PLEKHA6: variants seen among roughly 807,000 people sequenced by gnomAD.
PLEKHA6 encodes the protein pleckstrin homology domain-containing family A member 6.
A neutral mutation model predicts 116.7 loss-of-function variants in PLEKHA6; 60 were observed. That is an observed-to-expected ratio of 0.51 (90% CI 0.42 to 0.64). The LOEUF (loss-of-function observed/expected upper bound fraction) is 0.64. Ranked by LOEUF, PLEKHA6 falls within the 30% of genes least tolerant of loss-of-function variation. The pLI is 0.00. For missense variants in PLEKHA6, 1,338 were observed against 1,422.7 expected (o/e 0.94, Z 0.96); for synonymous variants, 489 against 556.1 (o/e 0.88, Z 1.70).
intron 15 of PLEKHA6, 53 bp downstream of exon 15, chr1:204,244,811 G>A (rs1364231453): frequency 5.7e-6 from 8 of 1,391,706 alleles, no homozygotes; most frequent in African/African-American, 1.5e-5. Flanking sequence ...TCAGACAAAC[G>A]AGGATCTGGT....
chr1:204,371,381 C>G (rs918399350), intron 2 of PLEKHA6: 8 of 152,262 alleles, frequency 5.3e-5, no homozygotes, highest in African/African-American at 1.9e-4. Context: ...CAATCTCCCC[C>G]AGATGGCAGG....
intron 12 of PLEKHA6, among the ~76,000 whole-genome samples, chr1:204,248,059 G>A (rs72749775): frequency 0.089 from 13,533 of 152,028 alleles, 698 homozygotes; most frequent in Middle Eastern, 0.14. Flanking sequence ...ACACTTTCAC[G>A]GGGCTTTTTC....
At chr1:204,237,792 G>A (rs1270393460) in intron 17 of PLEKHA6, among the ~76,000 whole-genome samples, 1 of 152,192 alleles carries the variant, frequency 6.6e-6, no homozygotes, top group Admixed American at 6.5e-5. Context: ...GAAAGACCTT[G>A]ATCACTTTTT....
In PLEKHA6 at chr1:204,255,373, G is replaced by A. The variant is rs111532277; in HGVS notation, c.1524+1980C>T. On this transcript the variant is annotated intron_variant, in intron 9 of 22. Coordinates refer to ENST00000272203, the MANE Select transcript of PLEKHA6 (RefSeq NM_014935.5). ...GCAGTTCCATCTGAGCTGAGCACTGGAGAAATAAGAGGTGGCATTAATTAT... is the reference window on the plus strand; with the variant it reads ...GCAGTTCCATCTGAGCTGAGCACTGAAGAAATAAGAGGTGGCATTAATTAT... Among the ~76,000 whole-genome samples the A allele has an allele frequency of 8.0e-3, 1,216 of 152,268 alleles. 7 individuals carry two copies. The highest frequency in any genetic ancestry group is 0.013 in the Non-Finnish European group (914 of 68,022).
intron 9 of PLEKHA6, among the ~76,000 whole-genome samples, chr1:204,255,306 CT>C (rs1398963542): frequency 6.6e-6 from 1 of 152,170 alleles, no homozygotes; most frequent in African/African-American, 2.4e-5. Flanking sequence ...CGACTCCCTC[CT>C]CTCGCCAGAA....
intron 1 of PLEKHA6, among the ~76,000 whole-genome samples, chr1:204,315,453 G>C (rs1336915560): frequency 1.3e-5 from 2 of 152,160 alleles, no homozygotes; most frequent in African/African-American, 4.8e-5. Context: ...TCCTGCTCTG[G>C]CAGCGTCATT....
chr1:204,354,956 C>G (rs1673376098), intron 1 of PLEKHA6, among the ~76,000 whole-genome samples: 1 of 152,232 alleles, frequency 6.6e-6, no homozygotes, highest in Non-Finnish European at 1.5e-5. Flanking sequence ...AAGCCCCCAG[C>G]AAGTGTGCCA....
Position 204,257,292 on chromosome 1 carries a change from A to G in PLEKHA6, c.1524+61T>C, listed in dbSNP as rs1665438138. ...CCACATCTCTGCCTTTTCTCAGTAG[A>G]TGGTCTTAGGCTTCTGGGGACCTCA... On this transcript the variant is annotated intron_variant, in intron 9 of 22. Transcript: ENST00000272203. The surrounding 1 kb of genome is among the most constrained non-coding windows in gnomAD (Gnocchi z 6.5). The G allele has an allele frequency of 6.8e-7, 1 of 1,467,270 alleles. No homozygotes were observed. Among genetic ancestry groups the G allele is most frequent in the South Asian group, 1.2e-5 (1 of 81,530 alleles). The allele number at this position is 1,467,270 out of a possible 1,614,324, so 90.9% of individuals were successfully genotyped here. A position where few individuals can be genotyped will look rare whatever the true frequency, so the allele number is the denominator to read the frequency against.
chr1:204,256,276 G>A (rs770189811), intron 9 of PLEKHA6, among the ~76,000 whole-genome samples: 2 of 152,098 alleles, frequency 1.3e-5, no homozygotes, highest in Non-Finnish European at 2.9e-5. Context: ...TCTAGGTGGT[G>A]GCAAAAGTTC....
intron 1 of PLEKHA6, among the ~76,000 whole-genome samples, chr1:204,285,331 A>G (rs1313455873): frequency 6.6e-6 from 1 of 152,268 alleles, no homozygotes; most frequent in Non-Finnish European, 1.5e-5. Context: ...AAAGAAAGGA[A>G]AATCTGCTGT....
At chr1:204,325,878 A>G (rs2103247207) in intron 1 of PLEKHA6, 5 of 982,326 alleles carry the variant, frequency 5.1e-6, no homozygotes, top group East Asian at 1.1e-4. Flanking sequence ...CATGGGGAGA[A>G]GTAGTAGCTG....
chr1:204,228,310 G>T lies in PLEKHA6; in HGVS notation c.2886-82C>A. ...TGAGGGGGCCTGCGGACTGAGGTTG[G>T]CAGGGAGGGCCAGGGCCCCGTGAAT... is the stretch of plus-strand genomic sequence containing the variant. On this transcript the variant is annotated intron_variant, in intron 20 of 22. Coordinates refer to ENST00000272203, the MANE Select transcript of PLEKHA6 (RefSeq NM_014935.5). This position sits in a 1 kb window ranked among gnomAD's most constrained non-coding sequence, Gnocchi z 4.0. 1.4e-6 allele frequency: 2 copies of T among 1,399,210 alleles called. No individual in the cohort carries two copies. The highest frequency in any genetic ancestry group is 1.4e-5 in the South Asian group (1 of 73,622). The allele number at this position is 1,399,210 out of a possible 1,614,324, so 86.7% of individuals were successfully genotyped here. A position where few individuals can be genotyped will look rare whatever the true frequency, so the allele number is the denominator to read the frequency against.
chr1:204,347,120 T>C, intron 1 of PLEKHA6: 1 of 1,157,654 alleles, frequency 8.6e-7, no homozygotes, highest in South Asian at 1.2e-5. Flanking sequence ...TTTTGAACAG[T>C]ACCCATTCCC....
chr1:204,248,883 T>G lies in PLEKHA6; in HGVS notation c.1762A>C (p.Lys588Gln). 6.2e-7 allele frequency: 1 copy of G among 1,614,182 alleles called. No homozygotes were observed. The highest frequency in any genetic ancestry group is 8.5e-7 in the Non-Finnish European group (1 of 1,180,030). ...AGCTGGTTCTGCAGTGAATCCTTTT[T>G]GTGTCGCAGCTTTTCTGGGTAGGCG... ...QPAYPEKLRHKKDSLQNQLIN... is the reference protein window; with the variant it reads ...QPAYPEKLRHQKDSLQNQLIN... The change falls in exon 12 of 23, where the codon AAA becomes CAA. Residue 588 changes from lysine (K) to glutamine (Q), a missense_variant. This residue lies in a region of PLEKHA6 where 1,136 missense variants were observed against 1,163.6 expected (regional missense o/e 0.98). Transcript: ENST00000272203.
chr1:204,337,741 C>T (rs1672702182), intron 1 of PLEKHA6, among the ~76,000 whole-genome samples: 1 of 152,112 alleles, frequency 6.6e-6, no homozygotes, highest in Admixed American at 6.5e-5. Context: ...GGGAAAATGA[C>T]TCACTTGTGC....
chr1:204,312,181 G>C (rs1671678404), intron 1 of PLEKHA6, among the ~76,000 whole-genome samples: 1 of 152,164 alleles, frequency 6.6e-6, no homozygotes, highest in South Asian at 2.1e-4. Context: ...TCAAAACCCA[G>C]TCTTTTCCCT....
chr1:204,349,313 C>T (rs6702385), intron 1 of PLEKHA6, among the ~76,000 whole-genome samples: 82,184 of 151,848 alleles, frequency 0.54, 25,511 homozygotes, highest in East Asian at 0.82. Flanking sequence ...CCGAGGCGGG[C>T]GGATCACTTG....
At chr1:204,295,868 G>A (rs749888985) in intron 1 of PLEKHA6, among the ~76,000 whole-genome samples, 4 of 152,150 alleles carry the variant, frequency 2.6e-5, no homozygotes, top group Non-Finnish European at 5.9e-5. Context: ...GAGCCAACAC[G>A]AGCCTCCTGT....
At chr1:204,305,193 T>C (rs1202292399) in intron 1 of PLEKHA6, among the ~76,000 whole-genome samples, 1 of 152,176 alleles carries the variant, frequency 6.6e-6, no homozygotes, top group East Asian at 1.9e-4. Context: ...ACTGGTTCCA[T>C]ACCAGGGAGC....
Sources: gnomAD v4.1 joint callset for allele counts (sites outside exome capture counted in the v4.1 genomes callset) on GRCh38, gnomAD v4.1.1 for gene constraint, gnomAD v4.1.1 regional missense constraint, Gnocchi (gnomAD v3.1) non-coding constraint, MANE v1.5 for transcripts, NCBI Gene and HGNC (gene_info 2026-07-23, HGNC 2026-07-21) for gene names.